Variants in FAT3 observed in about 807,000 individuals in gnomAD.
FAT3 encodes the protein FAT atypical cadherin 3, also known as protocadherin Fat 3.
Under a neutral mutation model 310.2 loss-of-function variants are expected in FAT3, and 95 were observed. The observed-to-expected ratio is 0.31, with a 90% CI of 0.26 to 0.36. The LOEUF is 0.36. Ranked by LOEUF, FAT3 falls within the 10% of genes least tolerant of loss-of-function variation. The pLI is 1.00. For synonymous variants in FAT3, 2,314 were observed against 2,192.9 expected (o/e 1.06, Z -1.54); for missense variants, 5,408 against 5,715.6 (o/e 0.95, Z 1.74).
chr11:92,482,181 T>C (rs1952245072), intron 2 of FAT3, among the ~76,000 whole-genome samples: 1 of 152,216 alleles, frequency 6.6e-6, no homozygotes, highest in African/African-American at 2.4e-5. Flanking sequence ...TAAACCCTGC[T>C]TTTGTTAGTG....
intron 1 of FAT3, chr11:92,336,387 A>C (rs2134560568): frequency 2.7e-6 from 1 of 366,022 alleles, no homozygotes; most frequent in Admixed American, 3.8e-5. Flanking sequence ...CAGGGCGACC[A>C]CAGTCCTGGA....
chr11:92,809,964 T>C lies in FAT3; in HGVS notation c.9369T>C (p.Asp3123=), dbSNP rs1324189008. 3.7e-6 allele frequency: 6 copies of C among 1,613,872 alleles called. No individual in the cohort carries two copies. Among genetic ancestry groups the C allele is most frequent in the Non-Finnish European group, 4.2e-6 (5 of 1,179,880 alleles). ...CCAACATCCACCTAATCCTGGAGGA[T>C]GTGAATGATAACCCCCCTGTGTTTT... ...CQSNIHLILE[D]VNDNPPVFSS... The change falls in exon 13 of 28, where the codon GAT becomes GAC. Residue 3123 remains aspartate (D), a synonymous_variant. Transcript: ENST00000525166.
intron 2 of FAT3, among the ~76,000 whole-genome samples, chr11:92,446,053 A>G (rs1161744005): frequency 2.0e-5 from 3 of 151,958 alleles, no homozygotes; most frequent in Non-Finnish European, 4.4e-5. Flanking sequence ...TCCATGGGGA[A>G]TTTATCTGTC....
chr11:92,800,718 A>T lies in FAT3; in HGVS notation c.7705A>T (p.Ser2569Cys). ...DRENPLEGDVSIFVRALDGGG... is the reference protein window; with the variant it reads ...DRENPLEGDVCIFVRALDGGG... ...GGAAAACCCTCTAGAAGGGGATGTT[A>T]GTATTTTTGTGAGGGCCCTTGATGG... is the stretch of plus-strand genomic sequence containing the variant. Residue 2569 changes from serine (S) to cysteine (C), a missense_variant, in exon 10 of 28, where the codon AGT becomes TGT. By Grantham distance (112) the Ser-to-Cys change is moderately radical. Transcript: ENST00000525166. 1 of 1,613,896 alleles carries T rather than the reference A, an allele frequency of 6.2e-7. No homozygotes were observed. Among genetic ancestry groups the T allele is most frequent in the Non-Finnish European group, 8.5e-7 (1 of 1,179,848 alleles).
intron 1 of FAT3, among the ~76,000 whole-genome samples, chr11:92,265,856 T>C (rs1945930721): frequency 6.6e-6 from 1 of 152,076 alleles, no homozygotes; most frequent in South Asian, 2.1e-4. Flanking sequence ...TCCCACCTGT[T>C]AGTACCACCT....
intron 2 of FAT3, among the ~76,000 whole-genome samples, chr11:92,458,274 A>G (rs1281602869): frequency 6.6e-6 from 1 of 152,194 alleles, no homozygotes; most frequent in Non-Finnish European, 1.5e-5. Flanking sequence ...ACTGATAAAT[A>G]ATAAATGTGA....
chr11:92,320,395 G>A (rs930108108), intron 1 of FAT3, among the ~76,000 whole-genome samples: 2 of 151,340 alleles, frequency 1.3e-5, no homozygotes, highest in African/African-American at 4.9e-5. Context: ...CTAACAGTTT[G>A]GAAATGCTGG....
chr11:92,598,332 C>G (rs1313876019), intron 3 of FAT3, among the ~76,000 whole-genome samples: 1 of 151,196 alleles, frequency 6.6e-6, no homozygotes, highest in Non-Finnish European at 1.5e-5. Context: ...CTCAAGCAAT[C>G]TTCCTGCCTC....
intron 3 of FAT3, among the ~76,000 whole-genome samples, chr11:92,569,645 C>T (rs1955601166): frequency 1.3e-5 from 2 of 152,118 alleles, no homozygotes; most frequent in South Asian, 4.1e-4. Flanking sequence ...CTTGTTCTTT[C>T]TATTGTTGTT....
At chr11:92,856,265 G>A (rs913427715) in intron 19 of FAT3, among the ~76,000 whole-genome samples, 2 of 152,196 alleles carry the variant, frequency 1.3e-5, no homozygotes, top group Non-Finnish European at 2.9e-5. Flanking sequence ...CGGGGAAAGG[G>A]CACTCCTTTA....
At chr11:92,569,683 T>C (rs141938112) in intron 3 of FAT3, among the ~76,000 whole-genome samples, 44 of 152,318 alleles carry the variant, frequency 2.9e-4, no homozygotes, top group African/African-American at 1.0e-3. Flanking sequence ...TTAACTTTGC[T>C]ATATATCCCA....
intron 3 of FAT3, among the ~76,000 whole-genome samples, chr11:92,602,527 G>A (rs879286417): frequency 1.3e-5 from 2 of 152,206 alleles, no homozygotes; most frequent in Non-Finnish European, 2.9e-5. Flanking sequence ...TTTGAACCCA[G>A]GCAGTTTGAC....
chr11:92,259,040 G>T (rs1007975252), intron 1 of FAT3, among the ~76,000 whole-genome samples: 1 of 152,012 alleles, frequency 6.6e-6, no homozygotes, highest in African/African-American at 2.4e-5. Flanking sequence ...AAGTTGTTGG[G>T]CAGGAAAGAG....
chr11:92,346,923 T>C (rs538911516), intron 1 of FAT3, among the ~76,000 whole-genome samples: 1 of 152,336 alleles, frequency 6.6e-6, no homozygotes, highest in African/African-American at 2.4e-5. Flanking sequence ...ACTCCCTGTC[T>C]TGTGATTCCC....
At chr11:92,887,193 G>A (rs1949815325) in intron 25 of FAT3, 80 bp downstream of exon 25, 5 of 1,228,982 alleles carry the variant, frequency 4.1e-6, no homozygotes, top group Non-Finnish European at 4.7e-6. Flanking sequence ...GGAGGGTGGT[G>A]CAACTGGCTT....
intron 2 of FAT3, among the ~76,000 whole-genome samples, chr11:92,377,280 A>C (rs544272728): frequency 1.4e-4 from 22 of 152,312 alleles, no homozygotes; most frequent in Admixed American, 1.2e-3. Context: ...AAAAATATCC[A>C]ATGGGTTATC....
chr11:92,432,883 C>G (rs1358881470), intron 2 of FAT3, among the ~76,000 whole-genome samples: 1 of 152,212 alleles, frequency 6.6e-6, no homozygotes, highest in African/African-American at 2.4e-5. Flanking sequence ...GGAGTTTTAT[C>G]TATAAGCCCC....
At chr11:92,838,678 G>A (rs1480251293) in intron 17 of FAT3, among the ~76,000 whole-genome samples, 2 of 152,172 alleles carry the variant, frequency 1.3e-5, no homozygotes, top group Non-Finnish European at 2.9e-5. Context: ...TCACCCCAAA[G>A]GAGTCCCAGG....
At chr11:92,671,592 C>T (rs1050086310) in intron 3 of FAT3, among the ~76,000 whole-genome samples, 1 of 152,074 alleles carries the variant, frequency 6.6e-6, no homozygotes, top group Non-Finnish European at 1.5e-5. Context: ...TTGGTCCTCT[C>T]ATCCTTTTTA....
Sources: allele counts gnomAD v4.1 joint callset (sites outside exome capture counted in the v4.1 genomes callset), GRCh38; gene constraint gnomAD v4.1.1; transcripts MANE v1.5; gene names NCBI Gene and HGNC (gene_info 2026-07-23, HGNC 2026-07-21).